The following GPR137C variants were observed in gnomAD, a reference collection of about 807,000 sequenced individuals.
The protein encoded by GPR137C is integral membrane protein GPR137C.
GPR137C carries 27 observed loss-of-function variants against 43.4 expected under a neutral mutation model. That is an observed-to-expected ratio of 0.62 (90% CI 0.46 to 0.86). The LOEUF (loss-of-function observed/expected upper bound fraction) is 0.86. Ranked by LOEUF, GPR137C falls within the 40% of genes least tolerant of loss-of-function variation. The probability of loss-of-function intolerance (pLI) is 0.00; values close to 1 mark genes in which losing one functional copy is unlikely to be tolerated. For synonymous variants in GPR137C, 285 were observed against 226.9 expected, an observed-to-expected ratio of 1.26 and a Z score of -2.30; for missense variants, 522 against 534.6, an observed-to-expected ratio of 0.98 and a Z score of 0.23.
At chr14:52,582,482 A>G (rs2038660691) in intron 1 of GPR137C, among the ~76,000 whole-genome samples, 2 of 152,230 alleles carry the variant, frequency 1.3e-5, no homozygotes, top group Admixed American at 6.5e-5. Flanking sequence ...AAGGAGACAT[A>G]TAAGTCTGCA....
chr14:52,592,391 G>T (rs1041927422), intron 1 of GPR137C, among the ~76,000 whole-genome samples: 3 of 152,122 alleles, frequency 2.0e-5, no homozygotes, highest in Non-Finnish European at 4.4e-5. Flanking sequence ...GCTTGATGGG[G>T]ATAGCAATGA....
Position 52,611,122 on chromosome 14 carries a change from C to A in GPR137C, c.717+10781C>A, listed in dbSNP as rs140776461. On this transcript the variant is annotated intron_variant, in intron 3 of 6. Transcript: ENST00000321662. ...TCCTCTGCTCCATCAATATTTGGGT[C>A]TAAATTTTATTTATTTTGGTTTTTT... Among the ~76,000 whole-genome samples, 69 of 152,040 alleles carry A rather than the reference C, an allele frequency of 4.5e-4. 1 individual carries two copies. The East Asian group carries it at 4.8e-3, about 11-fold the overall frequency.
intron 1 of GPR137C, among the ~76,000 whole-genome samples, chr14:52,595,273 G>A (rs889124893): frequency 6.6e-6 from 1 of 152,068 alleles, no homozygotes; most frequent in Non-Finnish European, 1.5e-5. Flanking sequence ...TTTCAACCTT[G>A]GTGAATCTGA....
chr14:52,566,532 T>C (rs1157717475), intron 1 of GPR137C, among the ~76,000 whole-genome samples: 1 of 152,192 alleles, frequency 6.6e-6, no homozygotes, highest in East Asian at 1.9e-4. Flanking sequence ...AAGTGCCCAA[T>C]TGGCATTTTT....
At chr14:52,609,697 C>T (rs1375606857) in intron 3 of GPR137C, among the ~76,000 whole-genome samples, 2 of 152,094 alleles carry the variant, frequency 1.3e-5, no homozygotes, top group African/African-American at 2.4e-5. Flanking sequence ...AATTTCTGGC[C>T]CAGATGGATC....
intron 3 of GPR137C, among the ~76,000 whole-genome samples, chr14:52,627,212 G>A (rs1313517272): frequency 1.3e-5 from 2 of 151,974 alleles, no homozygotes; most frequent in Non-Finnish European, 2.9e-5. Context: ...TGGCAATGTA[G>A]TGAGATGCTA....
intron 1 of GPR137C, among the ~76,000 whole-genome samples, chr14:52,572,890 TC>T (rs1252532414): frequency 2.6e-5 from 4 of 152,196 alleles, no homozygotes; most frequent in Non-Finnish European, 5.9e-5. Flanking sequence ...ACAAGCAACT[TC>T]AGCAAAGTCT....
At chr14:52,597,812 T>C (rs184834757) in intron 1 of GPR137C, among the ~76,000 whole-genome samples, 1 of 152,344 alleles carries the variant, frequency 6.6e-6, no homozygotes, top group African/African-American at 2.4e-5. Flanking sequence ...TCATTATCTT[T>C]GTGTTCACTT....
At chr14:52,582,845 C>T (rs2038665456) in intron 1 of GPR137C, among the ~76,000 whole-genome samples, 1 of 152,020 alleles carries the variant, frequency 6.6e-6, no homozygotes, top group African/African-American at 2.4e-5. Flanking sequence ...CATTTCAAAT[C>T]ACTTGTATAT....
rs534910880 is a variant in GPR137C at position 52,593,780 on chromosome 14, G to A, written c.445-4492G>A. ...ATTTTGTTGATCTTTCAAAAAACCAGCTCCTGGATTCATTGATTTTTTTGA... is the reference window on the plus strand; with the variant it reads ...ATTTTGTTGATCTTTCAAAAAACCAACTCCTGGATTCATTGATTTTTTTGA... On this transcript the variant is annotated intron_variant, in intron 1 of 6. Coordinates refer to ENST00000321662, the MANE Select transcript of GPR137C (RefSeq NM_001099652.2). Among the ~76,000 whole-genome samples, 6 of 88,594 alleles carry A rather than the reference G, an allele frequency of 6.8e-5. No individual in the cohort carries two copies. In the South Asian group the frequency reaches 3.1e-3, roughly 46 times the overall value. 58.1% of individuals were successfully genotyped at this position (88,594 alleles called of 152,430 possible).
rs140070332 is a variant in GPR137C, at chr14:52,576,549, C to T, written c.445-21723C>T. Among the ~76,000 whole-genome samples, 495 of 152,232 alleles carry T rather than the reference C, an allele frequency of 3.3e-3. 4 individuals carry two copies. Among genetic ancestry groups the T allele is most frequent in the African/African-American group, 0.012 (480 of 41,540 alleles). On this transcript the variant is annotated intron_variant, in intron 1 of 6. Coordinates refer to ENST00000321662, the MANE Select transcript of GPR137C (RefSeq NM_001099652.2). ...TTATTTGAGAAATCTTATTGTTTTT[C>T]CATTAAGTTGTACTGAAAGAGATAG...
intron 3 of GPR137C, among the ~76,000 whole-genome samples, chr14:52,618,216 G>A (rs1194064479): frequency 1.3e-5 from 2 of 152,134 alleles, no homozygotes; most frequent in Admixed American, 6.6e-5. Flanking sequence ...CTGTCTGATA[G>A]ATTACATTTT....
intron 3 of GPR137C, among the ~76,000 whole-genome samples, chr14:52,610,555 A>G (rs973439085): frequency 1.3e-5 from 2 of 152,178 alleles, no homozygotes; most frequent in Admixed American, 1.3e-4. Flanking sequence ...TTTATAAATT[A>G]AATTTTATTA....
chr14:52,579,410 C>T (rs1483531759), intron 1 of GPR137C, among the ~76,000 whole-genome samples: 2 of 152,056 alleles, frequency 1.3e-5, no homozygotes, highest in Non-Finnish European at 2.9e-5. Context: ...CTTTTATCTA[C>T]CCGTTTTAGC....
At chr14:52,558,804 T>C (rs1163794104) in intron 1 of GPR137C, among the ~76,000 whole-genome samples, 1 of 152,072 alleles carries the variant, frequency 6.6e-6, no homozygotes, top group Non-Finnish European at 1.5e-5. Context: ...GTTAAACAGA[T>C]TAAACACAGT....
chr14:52,573,541 C>T (rs916689387), intron 1 of GPR137C, among the ~76,000 whole-genome samples: 2 of 152,090 alleles, frequency 1.3e-5, no homozygotes, highest in Admixed American at 6.6e-5. Context: ...TGAAACTGGA[C>T]CCCTTCCTTA....
At chr14:52,604,993 A>G (rs2038968412) in intron 3 of GPR137C, among the ~76,000 whole-genome samples, 3 of 152,172 alleles carry the variant, frequency 2.0e-5, no homozygotes, top group Admixed American at 2.0e-4. Flanking sequence ...AAATATTGTG[A>G]TGCCTCCAAC....
chr14:52,622,357 C>G (rs1349003402), intron 3 of GPR137C, among the ~76,000 whole-genome samples: 1 of 151,934 alleles, frequency 6.6e-6, no homozygotes, highest in Admixed American at 6.6e-5. Flanking sequence ...AAGAATGGTC[C>G]TAGATCTTCA....
chr14:52,591,610 G>A (rs901471330), intron 1 of GPR137C, among the ~76,000 whole-genome samples: 20 of 152,126 alleles, frequency 1.3e-4, no homozygotes, highest in Non-Finnish European at 1.9e-4. Flanking sequence ...GTGTCTGTTG[G>A]CTGCATAAAT....
Sources: gnomAD v4.1 joint callset for allele counts (sites outside exome capture counted in the v4.1 genomes callset) on GRCh38, gnomAD v4.1.1 for gene constraint, MANE v1.5 for transcripts, NCBI Gene and HGNC (gene_info 2026-07-23, HGNC 2026-07-21) for gene names.